CADM2: variants seen among roughly 807,000 people sequenced by gnomAD.
CADM2 encodes immunoglobulin superfamily member 4D.
In CADM2, 12 loss-of-function variants were observed where a neutral mutation model predicts 49.8. That is an observed-to-expected ratio of 0.24 (90% CI 0.15 to 0.39). The LOEUF (loss-of-function observed/expected upper bound fraction) is 0.39, where lower values mean the gene tolerates loss of function less well. CADM2 is among the 10% of genes least tolerant of loss of function. CADM2 has a pLI of 1.00. For synonymous variants in CADM2, 214 were observed against 175.4 expected, an observed-to-expected ratio of 1.22 and a Z score of -1.74; for missense variants, 378 against 492.3, an observed-to-expected ratio of 0.77 and a Z score of 2.20.
At chr3:85,721,560 A>T (rs528706360) in intron 1 of CADM2, among the ~76,000 whole-genome samples, 1 of 152,278 alleles carries the variant, frequency 6.6e-6, no homozygotes, top group East Asian at 1.9e-4. Flanking sequence ...CAGACATGCC[A>T]GGTGCTCCAG....
chr3:86,013,037 C>A, intron 8 of CADM2: 2 of 1,097,184 alleles, frequency 1.8e-6, no homozygotes, highest in South Asian at 1.2e-5. Flanking sequence ...AACATGAGAC[C>A]TCTATGATCT....
intron 2 of CADM2, among the ~76,000 whole-genome samples, chr3:85,766,014 G>A (rs962792730): frequency 6.6e-6 from 1 of 152,166 alleles, no homozygotes; most frequent in Non-Finnish European, 1.5e-5. Flanking sequence ...CCAGTTCCTG[G>A]TGTCTAAATG....
Position 85,932,333 on chromosome 3 carries a change from G to T in CADM2, c.701-3434G>T, listed in dbSNP as rs73132638. Among the ~76,000 whole-genome samples, 174 of 152,256 alleles carry T rather than the reference G, an allele frequency of 1.1e-3. 1 individual carries two copies. The highest frequency in any genetic ancestry group is 2.0e-3 in the Non-Finnish European group (138 of 68,026). ...AGTTCATTTTGAATACGTCAAATGT[G>T]CCAAGCCTTTTAGATATCCAAGTGA... On this transcript the variant is annotated intron_variant, in intron 6 of 9. Transcript: ENST00000383699.
chr3:85,210,023 T>G (rs1188339703), intron 1 of CADM2, among the ~76,000 whole-genome samples: 2 of 152,284 alleles, frequency 1.3e-5, no homozygotes, highest in Admixed American at 6.5e-5. Context: ...AAATAGAAAC[T>G]TAAAGGAAAC....
At chr3:85,701,976 ATAGATAGATAGATAG>A (rs1559601856) in intron 1 of CADM2, among the ~76,000 whole-genome samples, 68 of 70,096 alleles carry the variant, frequency 9.7e-4, no homozygotes, top group African/African-American at 1.9e-3. Flanking sequence ...ATAGACATAG[ATAGATAGATAGATAG>A]ATAGATAGAT....
chr3:85,395,994 G>A (rs917176789), intron 1 of CADM2, among the ~76,000 whole-genome samples: 2 of 147,898 alleles, frequency 1.4e-5, no homozygotes, highest in African/African-American at 4.9e-5. Flanking sequence ...AAATAAATAT[G>A]CAATTATATT....
intron 1 of CADM2, among the ~76,000 whole-genome samples, chr3:85,086,832 T>G (rs1286803897): frequency 1.3e-5 from 2 of 152,236 alleles, no homozygotes; most frequent in East Asian, 3.9e-4. Context: ...TAAACAGCAT[T>G]TTATTTATCG....
chr3:85,553,814 A>G (rs1328523783), intron 1 of CADM2, among the ~76,000 whole-genome samples: 1 of 152,180 alleles, frequency 6.6e-6, no homozygotes, highest in African/African-American at 2.4e-5. Context: ...AAAAAGATTC[A>G]CTTTGTGCCT....
At chr3:85,288,690 C>A (rs2043696153) in intron 1 of CADM2, among the ~76,000 whole-genome samples, 1 of 150,692 alleles carries the variant, frequency 6.6e-6, no homozygotes, top group Non-Finnish European at 1.5e-5. Context: ...GATTCAGATG[C>A]AAATTTGAGT....
chr3:85,764,205 T>G (rs1224918118), intron 2 of CADM2, among the ~76,000 whole-genome samples: 1 of 152,112 alleles, frequency 6.6e-6, no homozygotes, highest in Non-Finnish European at 1.5e-5. Flanking sequence ...TATAAAACAT[T>G]TTTGTATGAA....
intron 1 of CADM2, among the ~76,000 whole-genome samples, chr3:85,038,603 G>T (rs767038545): frequency 4.0e-4 from 61 of 152,292 alleles, no homozygotes; most frequent in Admixed American, 2.5e-3. Flanking sequence ...TAGGAGCAGA[G>T]ACTTGAGATT....
intron 1 of CADM2, among the ~76,000 whole-genome samples, chr3:85,718,984 T>C (rs145536015): frequency 3.6e-4 from 55 of 151,038 alleles, no homozygotes; most frequent in African/African-American, 1.3e-3. Flanking sequence ...ACAATCTCAG[T>C]TCACTGCAAC....
chr3:85,971,574 T>C (rs1255901973), intron 8 of CADM2, among the ~76,000 whole-genome samples: 2 of 151,758 alleles, frequency 1.3e-5, no homozygotes, highest in African/African-American at 2.4e-5. Flanking sequence ...AGTAATATTC[T>C]CTTACATTTT....
chr3:85,565,661 A>G (rs2062234468), intron 1 of CADM2, among the ~76,000 whole-genome samples: 1 of 152,092 alleles, frequency 6.6e-6, no homozygotes, highest in African/African-American at 2.4e-5. Context: ...ATTATCACTT[A>G]CTGGGGTGTG....
intron 1 of CADM2, among the ~76,000 whole-genome samples, chr3:85,235,647 T>A (rs182366319): frequency 6.6e-6 from 1 of 152,162 alleles, no homozygotes; most frequent in African/African-American, 2.4e-5. Flanking sequence ...AACTTTGTCT[T>A]AAAACTTTAA....
In CADM2 at chr3:85,058,367, A is replaced by G. The variant is rs976164893; in HGVS notation, c.61+98699A>G. On this transcript the variant is annotated intron_variant, in intron 1 of 9. Coordinates refer to ENST00000383699, the MANE Select transcript of CADM2 (RefSeq NM_001167675.2). ...TATATATATATCTACTTTTGAGTGC[A>G]CATAGGCAACAAATTTTGAGATCTC... is the stretch of plus-strand genomic sequence containing the variant. 3.6e-4 allele frequency among the ~76,000 whole-genome samples: 55 copies of G among 152,178 alleles called. 2 individuals are homozygous for G.
chr3:85,626,182 G>C (rs1057143073), intron 1 of CADM2, among the ~76,000 whole-genome samples: 4 of 151,922 alleles, frequency 2.6e-5, no homozygotes, highest in Non-Finnish European at 4.4e-5. Context: ...TGAAATTGCA[G>C]TGTGCTTTCT....
At chr3:85,274,807 C>T (rs2043319508) in intron 1 of CADM2, among the ~76,000 whole-genome samples, 1 of 151,368 alleles carries the variant, frequency 6.6e-6, no homozygotes, top group Admixed American at 6.6e-5. Context: ...CACAAATAAA[C>T]CACTGAAAGC....
chr3:85,868,897 C>A (rs964619774), intron 3 of CADM2, among the ~76,000 whole-genome samples: 63 of 152,222 alleles, frequency 4.1e-4, no homozygotes, highest in African/African-American at 1.5e-3. Flanking sequence ...GCACCTTTAT[C>A]TTCATCTCCA....
Sources: allele counts gnomAD v4.1 joint callset (sites outside exome capture counted in the v4.1 genomes callset), GRCh38; gene constraint gnomAD v4.1.1; transcripts MANE v1.5; gene names NCBI Gene and HGNC (gene_info 2026-07-23, HGNC 2026-07-21).